SPOCK3: variants seen among roughly 807,000 people sequenced by gnomAD.
SPOCK3 encodes testican-3.
Under a neutral mutation model 56.6 loss-of-function variants are expected in SPOCK3, and 30 were observed. The observed-to-expected ratio is 0.53, with a 90% confidence interval of 0.40 to 0.72. SPOCK3 has a LOEUF of 0.72. Ranked by LOEUF, SPOCK3 falls within the 30% of genes least tolerant of loss-of-function variation. The pLI, the probability that SPOCK3 is intolerant of heterozygous loss-of-function variation, is 0.00. For missense variants in SPOCK3, 527 were observed against 530.0 expected, an observed-to-expected ratio of 0.99 and a Z score of 0.06; for synonymous variants, 196 against 183.3, an observed-to-expected ratio of 1.07 and a Z score of -0.56.
intron 6 of SPOCK3, among the ~76,000 whole-genome samples, chr4:166,818,609 C>G (rs1394019499): frequency 2.0e-5 from 3 of 151,890 alleles, no homozygotes; most frequent in Admixed American, 1.3e-4. Flanking sequence ...CTCTTTTTCT[C>G]TCTCTCATTA....
intron 7 of SPOCK3, among the ~76,000 whole-genome samples, chr4:166,778,546 T>TCAAGGA: frequency 6.6e-6 from 1 of 152,164 alleles, no homozygotes; most frequent in South Asian, 2.1e-4. Flanking sequence ...AAAGCACCAT[T>TCAAGGA]CTGGTCCACA....
chr4:167,113,631 C>A (rs1202898397), intron 2 of SPOCK3, among the ~76,000 whole-genome samples: 2 of 151,978 alleles, frequency 1.3e-5, no homozygotes, highest in East Asian at 3.9e-4. Context: ...ATTAAAGGAA[C>A]AACCAAAGGC....
intron 7 of SPOCK3, among the ~76,000 whole-genome samples, chr4:166,791,069 G>A (rs1295804194): frequency 1.3e-5 from 2 of 152,058 alleles, no homozygotes; most frequent in Non-Finnish European, 1.5e-5. Flanking sequence ...TATAGGAAAT[G>A]AAAAATACTA....
intron 4 of SPOCK3, among the ~76,000 whole-genome samples, chr4:166,932,886 T>G (rs1040665046): frequency 1.3e-5 from 2 of 152,148 alleles, no homozygotes; most frequent in Non-Finnish European, 1.5e-5. Flanking sequence ...GGGGAAAGAT[T>G]TATTGTGTGT....
intron 2 of SPOCK3, among the ~76,000 whole-genome samples, chr4:167,206,001 TTTAG>T (rs1734292077): frequency 6.6e-6 from 1 of 152,136 alleles, no homozygotes; most frequent in Non-Finnish European, 1.5e-5. Context: ...GATTTTTCAA[TTTAG>T]TTAATGTAAC....
At chr4:167,059,414 C>G (rs1755322873) in intron 3 of SPOCK3, among the ~76,000 whole-genome samples, 1 of 152,018 alleles carries the variant, frequency 6.6e-6, no homozygotes, top group African/African-American at 2.4e-5. Context: ...CTCACCATCA[C>G]TGGCCATCAG....
intron 8 of SPOCK3, among the ~76,000 whole-genome samples, chr4:166,747,805 A>G (rs545121055): frequency 7.9e-5 from 12 of 152,184 alleles, no homozygotes; most frequent in African/African-American, 2.2e-4. Flanking sequence ...TACAAAATCA[A>G]TGTGCAAAAA....
chr4:166,945,208 G>A (rs757435542), intron 4 of SPOCK3, among the ~76,000 whole-genome samples: 1 of 152,018 alleles, frequency 6.6e-6, no homozygotes, highest in Non-Finnish European at 1.5e-5. Context: ...TATGAACCAG[G>A]TATACTCATT....
chr4:167,234,114 G>A lies in SPOCK3; in HGVS notation c.60C>T (p.Leu20=), dbSNP rs750297761. 1.9e-6 allele frequency: 3 copies of A among 1,613,838 alleles called. No homozygotes were observed. The highest frequency in any genetic ancestry group is 2.2e-5 in the East Asian group (1 of 44,854). Reference sequence around the variant, plus strand: ...CTGCAGCCACCGCCGCGGCAGCTGCGAGAGACTGACTGCACCAAGCGGCTG... The same window carrying A: ...CTGCAGCCACCGCCGCGGCAGCTGCAAGAGACTGACTGCACCAAGCGGCTG... ...VCAAAWCSQS[L]AAAAAVAAAG... The change falls in exon 2 of 11, where the codon CTC becomes CTT. Residue 20 remains leucine, a synonymous_variant. Transcript: ENST00000357545.
intron 5 of SPOCK3, among the ~76,000 whole-genome samples, chr4:166,895,530 T>C (rs971758697): frequency 6.6e-6 from 1 of 152,046 alleles, no homozygotes; most frequent in African/African-American, 2.4e-5. Flanking sequence ...TTCAAAGTAG[T>C]AGATGATTTC....
intron 3 of SPOCK3, among the ~76,000 whole-genome samples, chr4:167,024,906 T>C (rs1751560488): frequency 6.6e-6 from 1 of 152,070 alleles, no homozygotes; most frequent in Admixed American, 6.6e-5. Context: ...TTGTATTTAC[T>C]AATATTTTAT....
At chr4:166,839,010 G>A (rs562048334) in intron 6 of SPOCK3, among the ~76,000 whole-genome samples, 51 of 152,000 alleles carry the variant, frequency 3.4e-4, no homozygotes, top group African/African-American at 1.1e-3. Context: ...ATCTTATGAG[G>A]ATTAGTGTCT....
intron 2 of SPOCK3, among the ~76,000 whole-genome samples, chr4:167,131,359 G>A (rs967202363): frequency 3.3e-5 from 5 of 152,140 alleles, no homozygotes; most frequent in Non-Finnish European, 1.5e-5. Context: ...AGGCTGAGAC[G>A]GTGAATCAAC....
At chr4:166,940,934 C>T (rs1433734605) in intron 4 of SPOCK3, among the ~76,000 whole-genome samples, 1 of 150,812 alleles carries the variant, frequency 6.6e-6, no homozygotes, top group Non-Finnish European at 1.5e-5. Flanking sequence ...AGCAGCCCAT[C>T]CTGAATTCCC....
At chr4:166,821,752 T>TA (rs1271546734) in intron 6 of SPOCK3, among the ~76,000 whole-genome samples, 1 of 152,040 alleles carries the variant, frequency 6.6e-6, no homozygotes, top group African/African-American at 2.4e-5. Context: ...AGATGGGAAT[T>TA]AACAATGTCT....
At chr4:166,777,537 G>C (rs1739698156) in intron 7 of SPOCK3, among the ~76,000 whole-genome samples, 1 of 152,092 alleles carries the variant, frequency 6.6e-6, no homozygotes, top group Non-Finnish European at 1.5e-5. Context: ...AGCGCTTTGT[G>C]AGGCAAGGTG....
chr4:167,117,574 G>A (rs1185809212), intron 2 of SPOCK3, among the ~76,000 whole-genome samples: 1 of 152,108 alleles, frequency 6.6e-6, no homozygotes, highest in Non-Finnish European at 1.5e-5. Flanking sequence ...AGCCAGGGTC[G>A]ATGCCGGATT....
chr4:167,001,215 CAATATT>C (rs1748920112), intron 3 of SPOCK3, among the ~76,000 whole-genome samples: 1 of 152,110 alleles, frequency 6.6e-6, no homozygotes, highest in Non-Finnish European at 1.5e-5. Flanking sequence ...TCACCACAAT[CAATATT>C]AGAAGAATTT....
intron 5 of SPOCK3, among the ~76,000 whole-genome samples, chr4:166,904,082 C>T (rs75783102): frequency 0.027 from 4,036 of 151,652 alleles, 163 homozygotes; most frequent in African/African-American, 0.082. Flanking sequence ...ACATATTATG[C>T]AAAATCATTT....
Sources: allele counts gnomAD v4.1 joint callset (sites outside exome capture counted in the v4.1 genomes callset), GRCh38; gene constraint gnomAD v4.1.1; transcripts MANE v1.5; gene names NCBI Gene and HGNC (gene_info 2026-07-23, HGNC 2026-07-21).